The following HMGB1 variants were observed in gnomAD, a reference collection of about 807,000 sequenced individuals.
HMGB1 encodes the protein high mobility group box 1, also known as high mobility group protein B1.
For synonymous variants in HMGB1, 81 were observed against 84.0 expected (o/e 0.96, Z 0.19); for missense variants, 79 against 253.5 (o/e 0.31, Z 4.67).
chr13:30,509,780 G>A (rs1887949996), intron 1 of HMGB1, among the ~76,000 whole-genome samples: 1 of 152,120 alleles, frequency 6.6e-6, no homozygotes, highest in South Asian at 2.1e-4. Context: ...CAAGGTCCAT[G>A]CATATTCACT....
rs1886151975 is a variant in HMGB1, at chr13:30,459,268, A to C, written c.*2089T>G. 6.6e-6 allele frequency: 1 copy of C among 152,184 alleles called. No individual in the cohort carries two copies. The highest frequency in any genetic ancestry group is 2.4e-5 in the African/African-American group (1 of 41,432). The allele number at this position is 152,184 out of a possible 1,614,324, so 9.4% of individuals were successfully genotyped here. A position where few individuals can be genotyped will look rare whatever the true frequency, so the allele number is the denominator to read the frequency against. The stretch of plus-strand genomic sequence containing the variant: ...AGAACACCAAACCATACTAATCTTC[A>C]GATTGAAGAGGGGTTTTGTCCATTT... On this transcript the variant is annotated 3_prime_UTR_variant, in exon 5 of 5. Coordinates refer to ENST00000341423, the MANE Select transcript of HMGB1 (RefSeq NM_002128.7).
At chr13:30,502,934 T>G (rs947347740) in intron 1 of HMGB1, among the ~76,000 whole-genome samples, 25 of 152,072 alleles carry the variant, frequency 1.6e-4, no homozygotes, top group Non-Finnish European at 2.6e-4. Flanking sequence ...TCTCCCAAAG[T>G]GCTGGGATTG....
intron 1 of HMGB1, among the ~76,000 whole-genome samples, chr13:30,562,264 T>A (rs1010872094): frequency 1.4e-5 from 2 of 146,252 alleles, no homozygotes; most frequent in African/African-American, 5.1e-5. Context: ...ACCACTGTAC[T>A]CCAGCCTGGG....
chr13:30,551,667 T>A (rs188894581), intron 1 of HMGB1, among the ~76,000 whole-genome samples: 1 of 152,330 alleles, frequency 6.6e-6, no homozygotes, highest in African/African-American at 2.4e-5. Context: ...TTCTCTATCA[T>A]GAGCATTTAT....
At chr13:30,483,816 G>A (rs1278961700) in intron 1 of HMGB1, among the ~76,000 whole-genome samples, 2 of 151,966 alleles carry the variant, frequency 1.3e-5, no homozygotes, top group African/African-American at 2.4e-5. Context: ...GTCTCACCAT[G>A]TTGCCCAGGC....
chr13:30,519,268 C>T (rs575873929), intron 1 of HMGB1, among the ~76,000 whole-genome samples: 35 of 151,806 alleles, frequency 2.3e-4, no homozygotes, highest in African/African-American at 7.2e-4. Flanking sequence ...TGGCACACAT[C>T]TGTAGTCCCA....
chr13:30,456,780 G>GGGA lies in HMGB1; in HGVS notation c.*4576_*4577insTCC, dbSNP rs1356201662. 40 of 120,476 alleles carry GGGA rather than the reference G, an allele frequency of 3.3e-4. No individual in the cohort carries two copies. Among genetic ancestry groups the GGGA allele is most frequent in the African/African-American group, 1.5e-3 (38 of 24,632 alleles). 7.5% of individuals were successfully genotyped at this position (120,476 alleles called of 1,614,324 possible). On this transcript the variant is annotated 3_prime_UTR_variant, in exon 5 of 5. Transcript: ENST00000341423. ...GTGGGCGGGGGGGGGGGGTGGTGGG[G>GGGA]TGCAATTTATCAACATCTTCCAAAA...
At chr13:30,464,014 T>C (rs531138047) in intron 1 of HMGB1, 3 of 773,348 alleles carry the variant, frequency 3.9e-6, no homozygotes, top group Admixed American at 1.2e-4. Context: ...TAAACGATTT[T>C]AAAATCTAGA....
chr13:30,465,151 C>T, intron 1 of HMGB1: 1 of 969,198 alleles, frequency 1.0e-6, no homozygotes, highest in Non-Finnish European at 1.2e-6. Flanking sequence ...CCGAGTCAGC[C>T]ATGTTCCAGC....
At chr13:30,591,817 T>C (rs1197131824) in intron 1 of HMGB1, among the ~76,000 whole-genome samples, 1 of 152,210 alleles carries the variant, frequency 6.6e-6, no homozygotes, top group Non-Finnish European at 1.5e-5. Context: ...AGTCAACTCT[T>C]ATTCTATATT....
intron 1 of HMGB1, among the ~76,000 whole-genome samples, chr13:30,601,746 A>AAAAAC (rs1950404065): frequency 4.7e-5 from 1 of 21,054 alleles, no homozygotes; most frequent in Non-Finnish European, 8.3e-5. Context: ...ACTCCGTCTC[A>AAAAAC]AAAAAAAAAA....
At chr13:30,595,162 AT>A (rs1402717860) in intron 1 of HMGB1, among the ~76,000 whole-genome samples, 1 of 152,138 alleles carries the variant, frequency 6.6e-6, no homozygotes, top group African/African-American at 2.4e-5. Context: ...ATTTGTTTAG[AT>A]CTTTGTTGAA....
chr13:30,519,884 T>A (rs7983751), intron 1 of HMGB1, among the ~76,000 whole-genome samples: 103,266 of 152,046 alleles, frequency 0.68, 35,457 homozygotes, highest in Non-Finnish European at 0.74. Flanking sequence ...TAAACTAAAC[T>A]ATGAGATGAT....
Position 30,584,538 on chromosome 13 carries a change from T to C in HMGB1, c.-15+32133A>G, listed in dbSNP as rs1357714168. Among the ~76,000 whole-genome samples, 8 of 152,316 alleles carry C rather than the reference T, an allele frequency of 5.3e-5. No individual in the cohort carries two copies. The South Asian group carries it at 1.2e-3, about 24-fold the overall frequency. On this transcript the variant is annotated intron_variant, in intron 1 of 4. Transcript: ENST00000405805. ...GAGGGCAGAGACTGTTTCATTCCTG[T>C]ATCATCAGCACCTAAGACAGTTCCT...
At chr13:30,497,868 A>C (rs923678931) in intron 1 of HMGB1, among the ~76,000 whole-genome samples, 3 of 152,130 alleles carry the variant, frequency 2.0e-5, no homozygotes, top group Non-Finnish European at 4.4e-5. Flanking sequence ...ATGGGCATTT[A>C]GGTTCATTCC....
intron 1 of HMGB1, among the ~76,000 whole-genome samples, chr13:30,479,670 G>C (rs1476456305): frequency 6.6e-6 from 1 of 152,030 alleles, no homozygotes; most frequent in African/African-American, 2.4e-5. Context: ...TGTCACCTTG[G>C]GCAAAGTGAA....
chr13:30,583,867 G>GA (rs1490243639), intron 1 of HMGB1, among the ~76,000 whole-genome samples: 1 of 146,020 alleles, frequency 6.8e-6, no homozygotes, highest in Admixed American at 6.9e-5. Flanking sequence ...AAGAAAGAAA[G>GA]AAGAAATCCT....
chr13:30,576,128 A>C (rs1368157898), intron 1 of HMGB1, among the ~76,000 whole-genome samples: 2 of 152,196 alleles, frequency 1.3e-5, no homozygotes, highest in Non-Finnish European at 2.9e-5. Context: ...ATGCATATAC[A>C]AATAAAATTT....
At chr13:30,536,751 C>T (rs184166923) in intron 1 of HMGB1, among the ~76,000 whole-genome samples, 5 of 152,254 alleles carry the variant, frequency 3.3e-5, no homozygotes, top group Admixed American at 6.5e-5. Context: ...TTTTGTTTTC[C>T]GGTAGCTAGT....
Sources: allele counts gnomAD v4.1 joint callset (sites outside exome capture counted in the v4.1 genomes callset), GRCh38; gene constraint gnomAD v4.1.1; transcripts MANE v1.5; gene names NCBI Gene and HGNC (gene_info 2026-07-23, HGNC 2026-07-21).